Variants in FAF2 observed in about 807,000 individuals in gnomAD.
FAF2 encodes FAS-associated factor 2.
A neutral mutation model predicts 62.3 loss-of-function variants in FAF2; 9 were observed. The ratio of observed to expected loss-of-function variants is 0.14; its 90% confidence interval spans 0.09 to 0.25. The LOEUF (loss-of-function observed/expected upper bound fraction) is 0.25. Ranked by LOEUF, FAF2 falls within the 10% of genes least tolerant of loss-of-function variation. The pLI is 1.00. For missense variants in FAF2, 368 were observed against 556.2 expected (o/e 0.66, Z 3.40); for synonymous variants, 202 against 198.0 (o/e 1.02, Z -0.17).
At chr5:176,478,546 G>C (rs1758740369) in intron 1 of FAF2, among the ~76,000 whole-genome samples, 1 of 152,106 alleles carries the variant, frequency 6.6e-6, no homozygotes. Flanking sequence ...TTATAAACTA[G>C]GTTAATACCA....
chr5:176,496,468 G>T lies in FAF2; in HGVS notation c.662-18G>T. 3.9e-6 allele frequency: 6 copies of T among 1,552,072 alleles called. No homozygotes were observed. Among genetic ancestry groups the T allele is most frequent in the Non-Finnish European group, 5.2e-6 (6 of 1,151,172 alleles). ...CACCGTCAAGTCCTGCCCTTGATCT[G>T]TTGGGTCTTTTTATCAGTCTCACAG... is the stretch of plus-strand genomic sequence containing the variant. On this transcript the variant is annotated intron_variant, in intron 7 of 10. Coordinates refer to ENST00000261942, the MANE Select transcript of FAF2 (RefSeq NM_014613.3).
At position 176,496,470 on chromosome 5, in the gene FAF2, T is replaced by TG. The variant is rs1326988991; in HGVS notation, c.662-13dup. The TG allele has an allele frequency of 3.9e-6, 6 of 1,553,128 alleles. No individual in the cohort carries two copies. The highest frequency in any genetic ancestry group is 5.2e-6 in the Non-Finnish European group (6 of 1,151,796). On this transcript the variant is annotated splice_polypyrimidine_tract_variant and intron_variant, in intron 7 of 10. Transcript: ENST00000261942. ...CCGTCAAGTCCTGCCCTTGATCTGT[T>TG]GGGTCTTTTTATCAGTCTCACAGGC...
At chr5:176,483,227 T>C (rs1336584590) in intron 2 of FAF2, among the ~76,000 whole-genome samples, 4 of 152,132 alleles carry the variant, frequency 2.6e-5, no homozygotes, top group African/African-American at 9.7e-5. Context: ...GCATTCATGA[T>C]AGTGTAATTT....
intron 1 of FAF2, among the ~76,000 whole-genome samples, chr5:176,469,779 T>C (rs1714731549): frequency 6.6e-6 from 1 of 152,180 alleles, no homozygotes; most frequent in South Asian, 2.1e-4. Context: ...TATATGTAAA[T>C]TGTTGTAGCC....
At chr5:176,460,510 C>CCGCG (rs771294516) in intron 1 of FAF2, among the ~76,000 whole-genome samples, 8 of 99,074 alleles carry the variant, frequency 8.1e-5, no homozygotes, top group Non-Finnish European at 1.1e-4. Flanking sequence ...CTATTTTTGG[C>CCGCG]CGCGTGTGTG....
intron 1 of FAF2, among the ~76,000 whole-genome samples, chr5:176,467,374 A>T (rs979606473): frequency 6.6e-6 from 1 of 151,286 alleles, no homozygotes; most frequent in African/African-American, 2.4e-5. Flanking sequence ...CTTTTTGCCC[A>T]GCCTAGAGTG....
intron 10 of FAF2, among the ~76,000 whole-genome samples, chr5:176,500,758 A>G (rs1285076198): frequency 6.6e-6 from 1 of 151,976 alleles, no homozygotes; most frequent in African/African-American, 2.4e-5. Flanking sequence ...TCATTCTTCC[A>G]GGGTTACTAG....
Position 176,494,416 on chromosome 5 carries a change from T to TA in FAF2, c.661+143dup. 1.4e-6 allele frequency: 1 copy of TA among 714,678 alleles called. No individual in the cohort carries two copies. Among genetic ancestry groups the TA allele is most frequent in the Non-Finnish European group, 2.5e-6 (1 of 402,202 alleles). 44.3% of individuals were successfully genotyped at this position (714,678 alleles called of 1,614,324 possible). A position where few individuals can be genotyped will look rare whatever the true frequency, so the allele number is the denominator to read the frequency against. ...AGTTGCTATTTTATATTGTCTCATT[T>TA]AATCCTCTCAGCAGTCCTGAGAGAT... On this transcript the variant is annotated intron_variant, in intron 7 of 10. Coordinates refer to ENST00000261942, the MANE Select transcript of FAF2 (RefSeq NM_014613.3). This position sits in a 1 kb window ranked among gnomAD's most constrained non-coding sequence, Gnocchi z 4.0.
intron 1 of FAF2, among the ~76,000 whole-genome samples, chr5:176,476,116 C>T (rs1181625165): frequency 2.0e-5 from 3 of 152,042 alleles, no homozygotes; most frequent in East Asian, 1.9e-4. Flanking sequence ...AAAAATTAGC[C>T]AAGTGTGGTG....
intron 10 of FAF2, among the ~76,000 whole-genome samples, chr5:176,504,953 G>C (rs1239365564): frequency 1.3e-5 from 2 of 151,624 alleles, no homozygotes; most frequent in African/African-American, 4.9e-5. Flanking sequence ...AACCTGGGAG[G>C]TCGAGGCTGC....
rs1002494815 is a variant in FAF2 at position 176,507,257 on chromosome 5, C to T, written c.*307C>T. 12 of 454,970 alleles carry T rather than the reference C, an allele frequency of 2.6e-5. No individual in the cohort carries two copies. In the Admixed American group the frequency reaches 2.9e-4, roughly 11 times the overall value. 28.2% of individuals were successfully genotyped at this position (454,970 alleles called of 1,614,324 possible). On this transcript the variant is annotated 3_prime_UTR_variant, in exon 11 of 11. Transcript: ENST00000261942. ...GAACAGAGACTCTTCACCTTCGACC[C>T]ATCCATTGTCCCAGCTGGGAAGGGG...
chr5:176,493,969 T>C lies in FAF2; in HGVS notation c.484-30T>C, dbSNP rs189679550. On this transcript the variant is annotated intron_variant, in intron 5 of 10. Transcript: ENST00000261942. ...ATATAAGCTCAAGGCACAGTCTTCT[T>C]AATAGTGAGTGACCTTCTCTTTCTC... 3.6e-5 allele frequency: 55 copies of C among 1,521,674 alleles called. No individual in the cohort carries two copies. In the East Asian group the frequency reaches 1.1e-3, roughly 31 times the overall value. The allele number at this position is 1,521,674 out of a possible 1,614,324, so 94.3% of individuals were successfully genotyped here.
chr5:176,492,138 C>T, intron 4 of FAF2, 56 bp from the exon 5 acceptor site: 1 of 1,609,480 alleles, frequency 6.2e-7, no homozygotes, highest in Non-Finnish European at 8.5e-7. Context: ...AATTGGCCCA[C>T]TCGATATGCA....
intron 4 of FAF2, among the ~76,000 whole-genome samples, chr5:176,490,097 G>C (rs945905739): frequency 1.3e-5 from 2 of 151,976 alleles, no homozygotes; most frequent in Non-Finnish European, 2.9e-5. Flanking sequence ...GGATCACAAC[G>C]TCAGGAGATC....
intron 2 of FAF2, among the ~76,000 whole-genome samples, chr5:176,483,724 A>G (rs1425307838): frequency 1.3e-5 from 2 of 152,312 alleles, no homozygotes; most frequent in Non-Finnish European, 1.5e-5. Context: ...TGTTATAGTC[A>G]TGGTTATAGT....
At chr5:176,491,711 C>T (rs762769284) in intron 4 of FAF2, among the ~76,000 whole-genome samples, 9 of 152,172 alleles carry the variant, frequency 5.9e-5, no homozygotes, top group African/African-American at 1.9e-4. Flanking sequence ...CCATTAAACA[C>T]GTGGCTGTTG....
At chr5:176,490,128 G>A (rs894496059) in intron 4 of FAF2, among the ~76,000 whole-genome samples, 4 of 151,820 alleles carry the variant, frequency 2.6e-5, no homozygotes, top group African/African-American at 7.3e-5. Context: ...TGGCTAATAC[G>A]GTGAAACCCT....
chr5:176,488,042 C>T (rs912766237), intron 3 of FAF2, among the ~76,000 whole-genome samples: 1 of 152,008 alleles, frequency 6.6e-6, no homozygotes, highest in Admixed American at 6.6e-5. Flanking sequence ...AGGGTTTCAC[C>T]ATGTTGGCCA....
Position 176,457,211 on chromosome 5 carries a change from C to T in FAF2, c.63+8741C>T, listed in dbSNP as rs138642173. Among the ~76,000 whole-genome samples, 1,099 of 152,088 alleles carry T rather than the reference C, an allele frequency of 7.2e-3. 11 individuals are homozygous for T. Among genetic ancestry groups the T allele is most frequent in the African/African-American group, 0.025 (1,029 of 41,482 alleles). ...TATTTTTTGTTTTGTTTTTTTGAGA[C>T]GGAGTTTCGCTGTTGTCCCCAGGCT... On this transcript the variant is annotated intron_variant, in intron 1 of 10. Transcript: ENST00000261942.
Sources: allele counts gnomAD v4.1 joint callset (sites outside exome capture counted in the v4.1 genomes callset), GRCh38; gene constraint gnomAD v4.1.1; non-coding constraint Gnocchi (gnomAD v3.1); transcripts MANE v1.5; gene names NCBI Gene and HGNC (gene_info 2026-07-23, HGNC 2026-07-21).